CSMD1: variants seen among roughly 807,000 people sequenced by gnomAD.
CSMD1 encodes CUB and Sushi multiple domains 1.
In CSMD1, 213 loss-of-function variants were observed where a neutral mutation model predicts 417.5. The ratio of observed to expected loss-of-function variants is 0.51; its 90% CI spans 0.46 to 0.57. The LOEUF (loss-of-function observed/expected upper bound fraction) is 0.57, where lower values mean the gene tolerates loss of function less well. CSMD1 is among the 20% of genes least tolerant of loss of function. The pLI, the probability that CSMD1 is intolerant of heterozygous loss-of-function variation, is 0.00. For synonymous variants in CSMD1, 2,862 were observed against 1,736.8 expected, an observed-to-expected ratio of 1.65 and a Z score of -16.11; for missense variants, 6,923 against 4,529.7, an observed-to-expected ratio of 1.53 and a Z score of -15.17.
intron 5 of CSMD1, among the ~76,000 whole-genome samples, chr8:3,789,812 G>A (rs1799635099): frequency 6.9e-6 from 1 of 145,638 alleles, no homozygotes; most frequent in African/African-American, 2.6e-5. Context: ...CTCACTGCAA[G>A]CTCCGCCTCC....
At chr8:4,246,974 G>A (rs1055339315) in intron 3 of CSMD1, among the ~76,000 whole-genome samples, 1 of 152,182 alleles carries the variant, frequency 6.6e-6, no homozygotes, top group African/African-American at 2.4e-5. Flanking sequence ...TTTAGACGAA[G>A]TAGAAATTTA....
intron 3 of CSMD1, among the ~76,000 whole-genome samples, chr8:4,043,333 T>G (rs910428938): frequency 1.3e-5 from 2 of 150,966 alleles, no homozygotes; most frequent in Admixed American, 6.6e-5. Flanking sequence ...AAAAAGAAAA[T>G]GAATGAGAAA....
intron 1 of CSMD1, chr8:4,788,319 C>A: frequency 1.9e-6 from 3 of 1,570,118 alleles, no homozygotes; most frequent in African/African-American, 2.7e-5. Context: ...TGGTTTGGGA[C>A]CAGTGATGTC....
chr8:4,449,429 C>A (rs1420008608), intron 2 of CSMD1, among the ~76,000 whole-genome samples: 2 of 152,040 alleles, frequency 1.3e-5, no homozygotes, highest in Non-Finnish European at 2.9e-5. Context: ...TGTAGAAGTT[C>A]ATATTTTTCC....
At chr8:4,128,962 G>T (rs1027716388) in intron 3 of CSMD1, among the ~76,000 whole-genome samples, 1 of 151,222 alleles carries the variant, frequency 6.6e-6, no homozygotes, top group Non-Finnish European at 1.5e-5. Context: ...TGTAGTCCCA[G>T]CTACTTGGGA....
chr8:4,947,016 C>G (rs1390269145), intron 1 of CSMD1, among the ~76,000 whole-genome samples: 4 of 152,048 alleles, frequency 2.6e-5, no homozygotes, highest in African/African-American at 4.8e-5. Flanking sequence ...AAACAATCAG[C>G]AAAATAAGAA....
At chr8:4,515,955 C>G (rs1385276809) in intron 2 of CSMD1, among the ~76,000 whole-genome samples, 1 of 152,136 alleles carries the variant, frequency 6.6e-6, no homozygotes, top group Non-Finnish European at 1.5e-5. Flanking sequence ...GCTTTGCATA[C>G]CCTGCAAAAC....
chr8:3,059,721 G>C (rs1292453650), intron 49 of CSMD1, among the ~76,000 whole-genome samples: 1 of 152,164 alleles, frequency 6.6e-6, no homozygotes, highest in African/African-American at 2.4e-5. Context: ...TGAGAGAGAG[G>C]AGAGTGGACT....
intron 1 of CSMD1, among the ~76,000 whole-genome samples, chr8:4,955,507 G>A (rs376165922): frequency 4.6e-5 from 7 of 151,746 alleles, no homozygotes; most frequent in African/African-American, 1.2e-4. Flanking sequence ...CCAGGCTGGA[G>A]TGCAGTGGCA....
chr8:2,976,006 G>A (rs1235381693), intron 55 of CSMD1, among the ~76,000 whole-genome samples: 3 of 152,184 alleles, frequency 2.0e-5, no homozygotes, highest in Non-Finnish European at 4.4e-5. Flanking sequence ...CAATTTCTAT[G>A]AAAAATTCCC....
rs555108374 is a variant in CSMD1 at position 3,405,032 on chromosome 8, G to A, written c.2266+995C>T. ...ACTCAAAGGACAAGAATAATTTTAA[G>A]AGTCCTACTAAGAATTTACACTACA... On this transcript the variant is annotated intron_variant, in intron 15 of 69. Coordinates refer to ENST00000635120, the MANE Select transcript of CSMD1 (RefSeq NM_033225.6). 2.0e-4 allele frequency among the ~76,000 whole-genome samples: 31 copies of A among 152,188 alleles called. 1 individual carries two copies. In the South Asian group the frequency reaches 5.6e-3, roughly 28 times the overall value.
At chr8:4,809,482 G>A (rs1798776659) in intron 1 of CSMD1, among the ~76,000 whole-genome samples, 1 of 152,208 alleles carries the variant, frequency 6.6e-6, no homozygotes, top group Admixed American at 6.5e-5. Flanking sequence ...ACTTCCAGGG[G>A]ATTGCCAATA....
chr8:4,234,811 T>A (rs1001773903), intron 3 of CSMD1, among the ~76,000 whole-genome samples: 7 of 152,048 alleles, frequency 4.6e-5, no homozygotes, highest in African/African-American at 1.4e-4. Context: ...AAACTGGTGG[T>A]TGGAGAGATA....
At chr8:4,227,026 AGATGGG>A (rs1432658847) in intron 3 of CSMD1, among the ~76,000 whole-genome samples, 1 of 151,926 alleles carries the variant, frequency 6.6e-6, no homozygotes, top group African/African-American at 2.4e-5. Context: ...TCTGCAGGTG[AGATGGG>A]TCTGTATCAA....
At chr8:3,849,118 C>A (rs796198613) in intron 5 of CSMD1, among the ~76,000 whole-genome samples, 4 of 151,960 alleles carry the variant, frequency 2.6e-5, no homozygotes, top group Admixed American at 6.6e-5. Context: ...GAAAGTTACA[C>A]TGAAAGACAA....
chr8:3,358,385 G>T (rs13272314), intron 21 of CSMD1, among the ~76,000 whole-genome samples: 1 of 152,014 alleles, frequency 6.6e-6, no homozygotes, highest in Non-Finnish European at 1.5e-5. Flanking sequence ...GGAACTAGAC[G>T]TTGTCCGTAT....
intron 27 of CSMD1, 115 bp downstream of exon 27, chr8:3,229,925 A>G (rs1798734035): frequency 1.3e-6 from 1 of 751,372 alleles, no homozygotes; most frequent in East Asian, 2.8e-5. Context: ...GCCAGAGAAC[A>G]TGAAAGAAAC....
At chr8:3,605,074 A>T (rs1481016290) in intron 8 of CSMD1, among the ~76,000 whole-genome samples, 1 of 152,182 alleles carries the variant, frequency 6.6e-6, no homozygotes, top group African/African-American at 2.4e-5. Context: ...GGCTTACTGC[A>T]ACCTCAGCCT....
At chr8:3,557,339 T>A (rs1000014851) in intron 10 of CSMD1, among the ~76,000 whole-genome samples, 4 of 152,228 alleles carry the variant, frequency 2.6e-5, no homozygotes, top group Non-Finnish European at 5.9e-5. Flanking sequence ...GCTGCCTCTC[T>A]AGTGGGGTAA....
Sources: allele counts gnomAD v4.1 joint callset (sites outside exome capture counted in the v4.1 genomes callset), GRCh38; gene constraint gnomAD v4.1.1; transcripts MANE v1.5; gene names NCBI Gene and HGNC (gene_info 2026-07-23, HGNC 2026-07-21).